Variants in COL11A1 observed in about 807,000 individuals in gnomAD.
The protein encoded by COL11A1 is collagen alpha-1(XI) chain.
COL11A1 carries 74 observed loss-of-function variants against 265.2 expected under a neutral mutation model. That is an observed-to-expected ratio of 0.28 (90% CI 0.23 to 0.34). COL11A1 has a LOEUF of 0.34. Among genes scored for constraint, COL11A1 ranks in the 10% least tolerant of loss-of-function variants. The pLI is 1.00. For synonymous variants in COL11A1, 816 were observed against 727.6 expected (o/e 1.12, Z -1.96); for missense variants, 2,165 against 2,263.6 (o/e 0.96, Z 0.88).
Position 102,965,667 on chromosome 1 carries a change from A to T in COL11A1, c.2863-127T>A, listed in dbSNP as rs116768397. 2.1e-4 allele frequency: 154 copies of T among 729,834 alleles called. No individual in the cohort carries two copies. The African/African-American group carries it at 2.6e-3, about 12-fold the overall frequency. The allele number at this position is 729,834 out of a possible 1,614,324, so 45.2% of individuals were successfully genotyped here. On this transcript the variant is annotated intron_variant, in intron 37 of 66. Coordinates refer to ENST00000370096, the MANE Select transcript of COL11A1 (RefSeq NM_001854.4). ...TATTGACTAAAAATATTTATTTTCAAATGCTTAAATATGTTTAATATGTTA... is the reference window on the plus strand; with the variant it reads ...TATTGACTAAAAATATTTATTTTCATATGCTTAAATATGTTTAATATGTTA...
chr1:103,088,540 T>TCCG (rs1673053212), intron 1 of COL11A1, among the ~76,000 whole-genome samples: 1 of 152,222 alleles, frequency 6.6e-6, no homozygotes, highest in African/African-American at 2.4e-5. Flanking sequence ...ACATGAAAAC[T>TCCG]ATATGAAATT....
At chr1:103,009,917 A>G (rs1422456022) in intron 14 of COL11A1, among the ~76,000 whole-genome samples, 2 of 152,204 alleles carry the variant, frequency 1.3e-5, no homozygotes, top group Non-Finnish European at 2.9e-5. Flanking sequence ...ACATTAAATC[A>G]GATTATTAAT....
intron 1 of COL11A1, among the ~76,000 whole-genome samples, chr1:103,107,309 C>A (rs1241634284): frequency 1.3e-5 from 2 of 151,864 alleles, no homozygotes; most frequent in African/African-American, 4.8e-5. Flanking sequence ...TAGTCCTCCG[C>A]CCCCACCCCA....
Position 103,034,624 on chromosome 1 carries a change from G to GTT in COL11A1, c.652-3382_652-3381dup, listed in dbSNP as rs71592258. Among the ~76,000 whole-genome samples, 470 of 151,532 alleles carry GTT rather than the reference G, an allele frequency of 3.1e-3. 3 individuals carry two copies. The highest frequency in any genetic ancestry group is 0.011 in the African/African-American group (450 of 41,320). ...TTAGTTATTTAGTCATGTTTTTTAC[G>GTT]TTTTTTTTAACATAACCATAATTGT... On this transcript the variant is annotated intron_variant, in intron 4 of 66. Transcript: ENST00000370096.
rs562510751 is a variant in COL11A1, at chr1:102,991,521, C to T, written c.2341-1950G>A. Among the ~76,000 whole-genome samples the T allele has an allele frequency of 1.3e-3, 194 of 152,198 alleles. 1 individual carries two copies. The highest frequency in any genetic ancestry group is 0.01 in the Middle Eastern group (3 of 294). On this transcript the variant is annotated intron_variant, in intron 28 of 66. Transcript: ENST00000370096. ...ATTAACCTCTCCATCTTGTGGCCTT[C>T]ACTGAATAATTATTATTGCAACAAT...
rs189279991 is a variant in COL11A1 at position 102,968,400 on chromosome 1, C to A, written c.2862+1819G>T. Among the ~76,000 whole-genome samples, 251 of 152,166 alleles carry A rather than the reference C, an allele frequency of 1.6e-3. 1 individual carries two copies. The highest frequency in any genetic ancestry group is 0.01 in the Middle Eastern group (3 of 294). ...TTGGGTCATTTCAATATAATAGAAA[C>A]CATTTCTGAAGCTGTTTAAGGCCAC... is the stretch of plus-strand genomic sequence containing the variant. On this transcript the variant is annotated intron_variant, in intron 37 of 66. Transcript: ENST00000370096.
Position 102,903,962 on chromosome 1 carries a change from A to G in COL11A1, c.4087-4968T>C, listed in dbSNP as rs143476936. 2.7e-3 allele frequency among the ~76,000 whole-genome samples: 410 copies of G among 152,248 alleles called. 1 individual carries two copies. The highest frequency in any genetic ancestry group is 9.3e-3 in the African/African-American group (387 of 41,540). On this transcript the variant is annotated intron_variant, in intron 54 of 66. Transcript: ENST00000370096. Reference sequence around the variant, plus strand: ...ACTGCAGCCTCGAACTCCTGGGCTCAAGCTATTCTCCCACCTCAGCCTCAG... The same window carrying G: ...ACTGCAGCCTCGAACTCCTGGGCTCGAGCTATTCTCCCACCTCAGCCTCAG...
chr1:102,939,080 A>T lies in COL11A1; in HGVS notation c.3393T>A (p.Ile1131=), dbSNP rs141514115. ...TGCTGCCTTTTTGTCCCGGCTCACC[A>T]ATTTCACCCTGAAATTGAAAGATTT... The part of the protein sequence containing the change: ...SPGEDGDKGE[I]GEPGQKGSKG... Residue 1131 remains isoleucine, a synonymous_variant, in exon 44 of 67, where the codon ATT becomes ATA. Coordinates refer to ENST00000370096, the MANE Select transcript of COL11A1 (RefSeq NM_001854.4). The T allele has an allele frequency of 6.2e-7, 1 of 1,613,598 alleles. No individual in the cohort carries two copies. Among genetic ancestry groups the T allele is most frequent in the African/African-American group, 1.3e-5 (1 of 74,908 alleles).
rs1470853407 is a variant in COL11A1 at position 102,886,915 on chromosome 1, T to A, written c.4750A>T (p.Asn1584Tyr). The A allele has an allele frequency of 6.2e-7, 1 of 1,613,740 alleles. No homozygotes were observed. The highest frequency in any genetic ancestry group is 8.5e-7 in the Non-Finnish European group (1 of 1,179,820). ...DGMEEIFGSLNSLKQDIEHMK... is the reference protein window; with the variant it reads ...DGMEEIFGSLYSLKQDIEHMK... ...TGCTCAATGTCTTGTTTCAGGGAAT[T>A]GAGGGAACCAAATATTTCTTCCATT... Residue 1584 changes from asparagine (N) to tyrosine (Y), a missense_variant, in exon 63 of 67, where the codon AAT becomes TAT. By Grantham distance (143) the Asn-to-Tyr change is moderately radical. Coordinates refer to ENST00000370096, the MANE Select transcript of COL11A1 (RefSeq NM_001854.4).
intron 43 of COL11A1, among the ~76,000 whole-genome samples, chr1:102,939,791 TCA>T (rs1436061358): frequency 6.6e-6 from 1 of 152,116 alleles, no homozygotes; most frequent in African/African-American, 2.4e-5. Context: ...ATGCACATTA[TCA>T]GAGTGCTGGT....
intron 41 of COL11A1, among the ~76,000 whole-genome samples, chr1:102,952,317 T>A (rs1042100279): frequency 1.4e-4 from 22 of 152,228 alleles, no homozygotes; most frequent in African/African-American, 5.3e-4. Flanking sequence ...CAGGATGGTC[T>A]CGATCTCTTG....
At chr1:102,916,977 T>C (rs564727677) in intron 49 of COL11A1, among the ~76,000 whole-genome samples, 1 of 152,020 alleles carries the variant, frequency 6.6e-6, no homozygotes, top group East Asian at 1.9e-4. Context: ...AATGTCCATG[T>C]TAAAATATTT....
intron 1 of COL11A1, chr1:103,100,193 C>G (rs543225152): frequency 6.6e-6 from 1 of 151,988 alleles, no homozygotes; most frequent in South Asian, 2.1e-4. Flanking sequence ...ATAATCAACT[C>G]TGACATTTTT....
chr1:102,934,013 C>T (rs140849432), intron 46 of COL11A1, among the ~76,000 whole-genome samples: 1,981 of 152,176 alleles, frequency 0.013, 43 homozygotes, highest in African/African-American at 0.045. Context: ...GAGATGAACC[C>T]GGTACCTCAG....
intron 24 of COL11A1, among the ~76,000 whole-genome samples, 160 bp from the exon 25 acceptor site, chr1:102,998,523 C>T (rs1327962392): frequency 1.3e-5 from 2 of 151,648 alleles, no homozygotes; most frequent in African/African-American, 4.8e-5. Context: ...GGAGGAAATG[C>T]CATGTAAAGA....
At chr1:102,986,651 A>G (rs1663583088) in intron 30 of COL11A1, among the ~76,000 whole-genome samples, 1 of 152,164 alleles carries the variant, frequency 6.6e-6, no homozygotes, top group Non-Finnish European at 1.5e-5. Context: ...GATTACTGAT[A>G]TTTTGCTTTA....
At chr1:102,967,986 G>A (rs1212274752) in intron 37 of COL11A1, among the ~76,000 whole-genome samples, 1 of 152,198 alleles carries the variant, frequency 6.6e-6, no homozygotes. Context: ...ATTTGTGTGA[G>A]TGATGGATTT....
intron 41 of COL11A1, among the ~76,000 whole-genome samples, chr1:102,949,629 A>G (rs1450380481): frequency 6.6e-6 from 1 of 152,192 alleles, no homozygotes; most frequent in African/African-American, 2.4e-5. Flanking sequence ...TGCATATGCA[A>G]TATAATTTTA....
At chr1:102,970,157 A>G (rs1661821232) in intron 37 of COL11A1, 62 bp downstream of exon 37, 2 of 1,309,140 alleles carry the variant, frequency 1.5e-6, no homozygotes, top group Admixed American at 1.7e-5. Flanking sequence ...GTAGCTTTCT[A>G]TGTATGAACT....
Sources: gnomAD v4.1 joint callset for allele counts (sites outside exome capture counted in the v4.1 genomes callset) on GRCh38, gnomAD v4.1.1 for gene constraint, MANE v1.5 for transcripts, NCBI Gene and HGNC (gene_info 2026-07-23, HGNC 2026-07-21) for gene names.